SLC24A2: variants seen among roughly 807,000 people sequenced by gnomAD.
SLC24A2 encodes solute carrier family 24 member 2.
A neutral mutation model predicts 62.0 loss-of-function variants in SLC24A2; 36 were observed. That is an observed-to-expected ratio of 0.58 (90% confidence interval 0.44 to 0.77). The LOEUF is 0.77. Ranked by LOEUF, SLC24A2 falls within the 30% of genes least tolerant of loss-of-function variation. The pLI is 0.00. For synonymous variants in SLC24A2, 358 were observed against 294.0 expected (o/e 1.22, Z -2.23); for missense variants, 846 against 817.9 (o/e 1.03, Z -0.42).
At position 19,563,824 on chromosome 9, in the gene SLC24A2, TCCTCCCTCCCTCCCTCCCTC is replaced by T. The variant is rs1195536577; in HGVS notation, c.1347+9507_1347+9526del. On this transcript the variant is annotated intron_variant, in intron 7 of 10. Transcript: ENST00000341998. ...TTCCTTCCTTCCTTCCTTCCTTCCT[TCCTCCCTCCCTCCCTCCCTC>T]CCTCCCTCCCTCCCTCCCTCCTTTC... is the stretch of plus-strand genomic sequence containing the variant. Among the ~76,000 whole-genome samples the T allele has an allele frequency of 4.3e-4, 33 of 76,588 alleles. 4 individuals are homozygous for T. Among genetic ancestry groups the T allele is most frequent in the African/African-American group, 1.9e-3 (30 of 15,694 alleles). 50.2% of individuals were successfully genotyped at this position (76,588 alleles called of 152,430 possible).
At chr9:20,089,182 T>C in the SLC24A2 span, among the ~76,000 whole-genome samples, 1 of 152,088 alleles carries the variant, frequency 6.6e-6, no homozygotes, top group Non-Finnish European at 1.5e-5. Flanking sequence ...CTCTGGTGAG[T>C]CTGCAGGGAC....
intron 2 of SLC24A2, among the ~76,000 whole-genome samples, chr9:19,687,724 A>G (rs1272610693): frequency 1.3e-5 from 2 of 152,046 alleles, no homozygotes; most frequent in African/African-American, 4.8e-5. Context: ...CTTGAGTCCA[A>G]ATCAGATTCC....
chr9:19,535,750 C>A lies in SLC24A2; in HGVS notation c.1480-7612G>T, dbSNP rs112757716. 4.9e-4 allele frequency among the ~76,000 whole-genome samples: 75 copies of A among 152,148 alleles called. No individual in the cohort carries two copies. The East Asian group carries it at 8.7e-3, about 18-fold the overall frequency. ...TACCAGTACCATGCTGTTTTGGTTA[C>A]GGTAGCCTAGTTTGGAGTCAGGTAG... On this transcript the variant is annotated intron_variant, in intron 8 of 10. Transcript: ENST00000341998.
At chr9:19,587,559 A>T (rs933826674) in intron 5 of SLC24A2, among the ~76,000 whole-genome samples, 1 of 152,228 alleles carries the variant, frequency 6.6e-6, no homozygotes, top group Non-Finnish European at 1.5e-5. Flanking sequence ...GCCTATGACT[A>T]AAATGAGATG....
chr9:19,803,678 C>A, the SLC24A2 span, among the ~76,000 whole-genome samples: 12 of 151,894 alleles, frequency 7.9e-5, no homozygotes, highest in South Asian at 2.1e-4. Context: ...GAGAATTACC[C>A]AATAATTCAG....
intron 7 of SLC24A2, among the ~76,000 whole-genome samples, chr9:19,562,941 A>C (rs115203208): frequency 1.3e-5 from 2 of 152,098 alleles, no homozygotes; most frequent in African/African-American, 2.4e-5. Context: ...CTATTTCTAC[A>C]AAAGATTTTA....
the SLC24A2 span, among the ~76,000 whole-genome samples, chr9:20,042,249 T>G: frequency 6.6e-6 from 1 of 152,208 alleles, no homozygotes; most frequent in African/African-American, 2.4e-5. Flanking sequence ...GGTGGACATT[T>G]GTGGTGTCTA....
intron 2 of SLC24A2, among the ~76,000 whole-genome samples, chr9:19,627,241 T>G (rs1162358568): frequency 6.6e-6 from 1 of 152,082 alleles, no homozygotes; most frequent in Non-Finnish European, 1.5e-5. Flanking sequence ...AAGTAAGAAG[T>G]GCGGTAATGA....
At chr9:19,995,187 T>C in the SLC24A2 span, among the ~76,000 whole-genome samples, 2 of 152,236 alleles carry the variant, frequency 1.3e-5, no homozygotes, top group African/African-American at 2.4e-5. Context: ...ATTGGCTCCT[T>C]TTTTCCTCTT....
chr9:20,062,104 C>A, the SLC24A2 span, among the ~76,000 whole-genome samples: 1 of 152,146 alleles, frequency 6.6e-6, no homozygotes, highest in Non-Finnish European at 1.5e-5. Context: ...TGGCACATGC[C>A]TGTAGTCTTA....
At chr9:19,987,295 C>T in the SLC24A2 span, among the ~76,000 whole-genome samples, 2 of 151,868 alleles carry the variant, frequency 1.3e-5, no homozygotes. Flanking sequence ...AAGAGCTATA[C>T]GATACCTTGG....
At chr9:19,534,864 G>C (rs200816908) in intron 8 of SLC24A2, among the ~76,000 whole-genome samples, 4 of 152,082 alleles carry the variant, frequency 2.6e-5, no homozygotes, top group African/African-American at 9.7e-5. Context: ...AATCCTTTGG[G>C]TATATACCCA....
chr9:19,970,894 G>A, the SLC24A2 span, among the ~76,000 whole-genome samples: 1 of 152,090 alleles, frequency 6.6e-6, no homozygotes, highest in African/African-American at 2.4e-5. Flanking sequence ...TTTCTGATAT[G>A]ATTGGACAGA....
At chr9:19,742,879 C>T (rs935926386) in intron 2 of SLC24A2, among the ~76,000 whole-genome samples, 6 of 152,122 alleles carry the variant, frequency 3.9e-5, no homozygotes, top group Non-Finnish European at 7.3e-5. Flanking sequence ...ACTGTCACTA[C>T]CTTTGGAATG....
rs551578266 is a variant in SLC24A2 at position 19,594,477 on chromosome 9, A to AAACC, written c.1129+2748_1129+2751dup. ...GTCCACTTAGGGAAAAAACAAAACAAAACCAACCAACCAACCAACCAAACA... is the reference window on the plus strand; with the variant it reads ...GTCCACTTAGGGAAAAAACAAAACAAAACCAACCAACCAACCAACCAACCAAACA... On this transcript the variant is annotated intron_variant, in intron 5 of 10. Transcript: ENST00000341998. Among the ~76,000 whole-genome samples the AAACC allele has an allele frequency of 2.2e-4, 34 of 152,282 alleles. No homozygotes were observed. The East Asian group carries it at 3.3e-3, about 15-fold the overall frequency.
At chr9:19,742,189 T>C (rs1821699491) in intron 2 of SLC24A2, among the ~76,000 whole-genome samples, 1 of 152,192 alleles carries the variant, frequency 6.6e-6, no homozygotes, top group Non-Finnish European at 1.5e-5. Flanking sequence ...AGCTGCTTAA[T>C]TGAAAAGCAG....
At chr9:19,906,229 T>A in the SLC24A2 span, among the ~76,000 whole-genome samples, 2 of 151,980 alleles carry the variant, frequency 1.3e-5, no homozygotes, top group East Asian at 1.9e-4. Flanking sequence ...GAATGACTAC[T>A]GGGTACATAA....
At chr9:20,286,646 A>G in the SLC24A2 span, among the ~76,000 whole-genome samples, 2 of 152,254 alleles carry the variant, frequency 1.3e-5, no homozygotes, top group Non-Finnish European at 2.9e-5. Flanking sequence ...GACTACTGGC[A>G]GGCAACAGCA....
the SLC24A2 span, among the ~76,000 whole-genome samples, chr9:20,018,450 G>C: frequency 6.6e-6 from 1 of 152,110 alleles, no homozygotes; most frequent in East Asian, 1.9e-4. Flanking sequence ...TCATCTCTAG[G>C]TGGAGATTAC....
Sources: allele counts gnomAD v4.1 joint callset (sites outside exome capture counted in the v4.1 genomes callset), GRCh38; gene constraint gnomAD v4.1.1; transcripts MANE v1.5; gene names NCBI Gene and HGNC (gene_info 2026-07-23, HGNC 2026-07-21).